The following SAMD12 variants were observed in gnomAD, a reference collection of about 807,000 sequenced individuals.
SAMD12 encodes the protein sterile alpha motif domain containing 12.
Under a neutral mutation model 15.0 loss-of-function variants are expected in SAMD12, and 9 were observed. The observed-to-expected ratio is 0.60, with a 90% CI of 0.36 to 1.05. The LOEUF (loss-of-function observed/expected upper bound fraction) is 1.05, where lower values mean the gene tolerates loss of function less well. SAMD12 is among the 50% of genes least tolerant of loss of function. The probability of loss-of-function intolerance (pLI) is 0.01; values close to 1 mark genes in which losing one functional copy is unlikely to be tolerated. For missense variants in SAMD12, 230 were observed against 234.2 expected (o/e 0.98, Z 0.12); for synonymous variants, 86 against 90.1 (o/e 0.96, Z 0.25).
At chr8:118,148,458 T>G in the SAMD12 span, among the ~76,000 whole-genome samples, 1 of 152,260 alleles carries the variant, frequency 6.6e-6, no homozygotes, top group African/African-American at 2.4e-5. Context: ...ATATATGTTA[T>G]GATTTTTAGT....
At chr8:118,286,521 C>T (rs1197679393) in intron 4 of SAMD12, among the ~76,000 whole-genome samples, 2 of 151,706 alleles carry the variant, frequency 1.3e-5, no homozygotes, top group African/African-American at 4.9e-5. Context: ...TAAAGGCTAA[C>T]ACTACCACTC....
chr8:118,251,025 A>G (rs73709236), intron 4 of SAMD12, among the ~76,000 whole-genome samples: 6,536 of 152,126 alleles, frequency 0.043, 487 homozygotes, highest in African/African-American at 0.15. Flanking sequence ...AAACCAAGAT[A>G]CACAGAGGTA....
intron 4 of SAMD12, among the ~76,000 whole-genome samples, chr8:118,291,536 A>G (rs192945885): frequency 2.4e-4 from 36 of 152,274 alleles, no homozygotes; most frequent in African/African-American, 7.7e-4. Context: ...TCATATCTTT[A>G]CTGAGCCCAA....
intron 4 of SAMD12, among the ~76,000 whole-genome samples, chr8:118,214,022 GAGAGT>G (rs1811898804): frequency 6.6e-6 from 1 of 152,206 alleles, no homozygotes; most frequent in African/African-American, 2.4e-5. Context: ...CTTGGAAATT[GAGAGT>G]AGAGTTCATG....
chr8:118,572,593 G>A (rs1827043921), intron 2 of SAMD12, among the ~76,000 whole-genome samples: 1 of 151,988 alleles, frequency 6.6e-6, no homozygotes, highest in South Asian at 2.1e-4. Flanking sequence ...CACGAGACCT[G>A]ATGGTATTTA....
intron 2 of SAMD12, among the ~76,000 whole-genome samples, chr8:118,498,596 C>T (rs999690506): frequency 6.6e-6 from 1 of 152,138 alleles, no homozygotes; most frequent in African/African-American, 2.4e-5. Flanking sequence ...ATATACTTTA[C>T]CCAAACTAAA....
chr8:118,386,013 C>T (rs542139156), intron 3 of SAMD12, among the ~76,000 whole-genome samples: 1 of 152,232 alleles, frequency 6.6e-6, no homozygotes, highest in East Asian at 1.9e-4. Context: ...TATTTTTGAA[C>T]ACACACCAAC....
intron 4 of SAMD12, among the ~76,000 whole-genome samples, chr8:118,358,398 G>T (rs1818333159): frequency 6.6e-6 from 1 of 152,084 alleles, no homozygotes; most frequent in Non-Finnish European, 1.5e-5. Flanking sequence ...ACTGGACAAT[G>T]GTAACCACTC....
In SAMD12 at chr8:118,435,110, A is replaced by G. The variant is rs1054930751; in HGVS notation, c.322+4722T>C. ...AGAGTGAGACTCCATCTCAAAAAAA[A>G]AAAAAAAAAGTGTGCTTCTGCAGGG... On this transcript the variant is annotated intron_variant, in intron 3 of 3. Coordinates refer to ENST00000314727, the MANE Select transcript of SAMD12 (RefSeq NM_207506.3). Among the ~76,000 whole-genome samples, 3 of 25,096 alleles carry G rather than the reference A, an allele frequency of 1.2e-4. 1 individual carries two copies. The highest frequency in any genetic ancestry group is 1.2e-3 in the Admixed American group (2 of 1,614). 16.5% of individuals were successfully genotyped at this position (25,096 alleles called of 152,430 possible). A position where few individuals can be genotyped will look rare whatever the true frequency, so the allele number is the denominator to read the frequency against.
At chr8:118,568,556 T>C (rs566492315) in intron 2 of SAMD12, among the ~76,000 whole-genome samples, 2 of 152,296 alleles carry the variant, frequency 1.3e-5, no homozygotes, top group African/African-American at 4.8e-5. Flanking sequence ...TGTGAAAACA[T>C]TGCTTAAGAA....
chr8:118,251,501 C>T (rs934319089), intron 4 of SAMD12, among the ~76,000 whole-genome samples: 2 of 152,120 alleles, frequency 1.3e-5, no homozygotes, highest in Non-Finnish European at 2.9e-5. Context: ...ACGCCCCCAC[C>T]TTTGCTGTGT....
chr8:118,415,966 T>C (rs753532519), intron 3 of SAMD12, among the ~76,000 whole-genome samples: 1 of 152,224 alleles, frequency 6.6e-6, no homozygotes, highest in Non-Finnish European at 1.5e-5. Context: ...TGTTTTGATG[T>C]TCTCATTTAT....
intron 1 of SAMD12, among the ~76,000 whole-genome samples, chr8:118,581,402 A>G (rs1173410826): frequency 6.6e-6 from 1 of 152,206 alleles, no homozygotes; most frequent in Non-Finnish European, 1.5e-5. Context: ...TCCTGGAAAC[A>G]TGGATTTACA....
At chr8:118,547,316 A>C (rs867644109) in intron 2 of SAMD12, among the ~76,000 whole-genome samples, 2 of 152,204 alleles carry the variant, frequency 1.3e-5, no homozygotes, top group East Asian at 3.8e-4. Context: ...TTGTTGGCCA[A>C]ATCAAGAATG....
intron 4 of SAMD12, among the ~76,000 whole-genome samples, chr8:118,318,077 G>A (rs1816010737): frequency 6.6e-6 from 1 of 151,760 alleles, no homozygotes; most frequent in Non-Finnish European, 1.5e-5. Flanking sequence ...TGGTGAGAGG[G>A]GAATACTTAT....
the SAMD12 span, among the ~76,000 whole-genome samples, chr8:118,151,118 C>T: frequency 6.6e-6 from 1 of 152,012 alleles, no homozygotes; most frequent in African/African-American, 2.4e-5. Flanking sequence ...TTTTCTAGCT[C>T]ACATTATTTC....
At chr8:118,492,456 A>C (rs899680880) in intron 2 of SAMD12, among the ~76,000 whole-genome samples, 2 of 152,152 alleles carry the variant, frequency 1.3e-5, no homozygotes, top group Non-Finnish European at 2.9e-5. Flanking sequence ...ATTTAAATTA[A>C]CTTAGAATGG....
the SAMD12 span, among the ~76,000 whole-genome samples, chr8:118,162,860 T>C: frequency 1.3e-5 from 2 of 152,056 alleles, no homozygotes; most frequent in Non-Finnish European, 2.9e-5. Flanking sequence ...GATTAAACAA[T>C]CTCTAGTATC....
the SAMD12 span, among the ~76,000 whole-genome samples, chr8:118,174,855 T>C: frequency 6.6e-6 from 1 of 152,146 alleles, no homozygotes; most frequent in Non-Finnish European, 1.5e-5. Context: ...CATGTCTTTA[T>C]GTACTTCTTT....
Sources: gnomAD v4.1 joint callset for allele counts (sites outside exome capture counted in the v4.1 genomes callset) on GRCh38, gnomAD v4.1.1 for gene constraint, MANE v1.5 for transcripts, NCBI Gene and HGNC (gene_info 2026-07-23, HGNC 2026-07-21) for gene names.